Variants in LPP observed in about 807,000 individuals in gnomAD.
LPP encodes the protein LIM domain containing preferred translocation partner in lipoma.
A neutral mutation model predicts 60.4 loss-of-function variants in LPP; 38 were observed. The observed-to-expected ratio is 0.63, with a 90% CI of 0.49 to 0.83. The LOEUF is 0.83. Among genes scored for constraint, LPP ranks in the 40% least tolerant of loss-of-function variants. LPP has a pLI of 0.00. For synonymous variants in LPP, 328 were observed against 290.8 expected, an observed-to-expected ratio of 1.13 and a Z score of -1.30; for missense variants, 902 against 783.6, an observed-to-expected ratio of 1.15 and a Z score of -1.80.
At chr3:188,552,408 A>G (rs1828384565) in intron 6 of LPP, among the ~76,000 whole-genome samples, 1 of 152,300 alleles carries the variant, frequency 6.6e-6, no homozygotes, top group Non-Finnish European at 1.5e-5. Context: ...TGATGAGCAA[A>G]GACTGGAGAA....
intron 4 of LPP, among the ~76,000 whole-genome samples, chr3:188,463,850 T>C (rs955343090): frequency 6.6e-6 from 1 of 152,182 alleles, no homozygotes; most frequent in African/African-American, 2.4e-5. Context: ...TTGCATCCTT[T>C]ATGTACTTGG....
At chr3:188,813,638 C>T (rs1751684218) in intron 9 of LPP, among the ~76,000 whole-genome samples, 2 of 152,276 alleles carry the variant, frequency 1.3e-5, no homozygotes, top group Admixed American at 1.3e-4. Flanking sequence ...TAACCCTAAA[C>T]ACTGCAGAAA....
intron 6 of LPP, among the ~76,000 whole-genome samples, chr3:188,538,363 C>T (rs1404063575): frequency 1.3e-5 from 2 of 151,946 alleles, no homozygotes; most frequent in Non-Finnish European, 2.9e-5. Flanking sequence ...AAAAGACAGC[C>T]CAATTAAGTA....
intron 3 of LPP, among the ~76,000 whole-genome samples, chr3:188,357,406 T>C (rs991482344): frequency 1.3e-5 from 2 of 152,132 alleles, no homozygotes; most frequent in Non-Finnish European, 1.5e-5. Flanking sequence ...ACGTCTATAG[T>C]TTTATGAATG....
chr3:188,875,184 AT>A lies in LPP; in HGVS notation c.*710del, dbSNP rs1769106770. 1.8e-5 allele frequency: 4 copies of A among 217,434 alleles called. No individual in the cohort carries two copies. Among genetic ancestry groups the A allele is most frequent in the Admixed American group, 5.8e-5 (1 of 17,202 alleles). The allele number at this position is 217,434 out of a possible 1,614,324, so 13.5% of individuals were successfully genotyped here. A position where few individuals can be genotyped will look rare whatever the true frequency, so the allele number is the denominator to read the frequency against. On this transcript the variant is annotated 3_prime_UTR_variant, in exon 12 of 12. Transcript: ENST00000617246. The stretch of plus-strand genomic sequence containing the variant: ...TAGTGACAGACAACCAAGCTTCAAT[AT>A]TTTTCTAAAGAAATTACAGGTGGGA...
chr3:188,240,645 C>T (rs544196678), intron 2 of LPP, among the ~76,000 whole-genome samples: 4 of 152,160 alleles, frequency 2.6e-5, no homozygotes, highest in East Asian at 1.9e-4. Context: ...TATAAAAAAG[C>T]GTAATCATAA....
intron 6 of LPP, among the ~76,000 whole-genome samples, chr3:188,554,969 A>G (rs1829121624): frequency 6.6e-6 from 1 of 152,148 alleles, no homozygotes; most frequent in Non-Finnish European, 1.5e-5. Flanking sequence ...ATAAAGCAAG[A>G]TAAAAGTGAA....
chr3:188,310,584 G>A (rs1202699461), intron 2 of LPP, among the ~76,000 whole-genome samples: 1 of 152,194 alleles, frequency 6.6e-6, no homozygotes, highest in Admixed American at 6.5e-5. Flanking sequence ...GGGGTCAATA[G>A]ATTTGAGTTT....
chr3:188,770,359 T>C (rs1459762779), intron 9 of LPP, among the ~76,000 whole-genome samples: 1 of 110,774 alleles, frequency 9.0e-6, no homozygotes, highest in African/African-American at 3.1e-5. Context: ...TTTTTTTTTT[T>C]TTTTTTGTAT....
chr3:188,240,653 T>A (rs1724151545), intron 2 of LPP, among the ~76,000 whole-genome samples: 1 of 152,154 alleles, frequency 6.6e-6, no homozygotes, highest in Admixed American at 6.5e-5. Flanking sequence ...AGCGTAATCA[T>A]AACTATCCAA....
chr3:188,420,196 G>T (rs1787419085), intron 4 of LPP, among the ~76,000 whole-genome samples: 4 of 152,020 alleles, frequency 2.6e-5, no homozygotes, highest in Admixed American at 2.6e-4. Flanking sequence ...TGCTAATAGA[G>T]ATTTTAGAAT....
At chr3:188,428,609 A>G (rs1483365617) in intron 4 of LPP, among the ~76,000 whole-genome samples, 1 of 106,748 alleles carries the variant, frequency 9.4e-6, no homozygotes, top group African/African-American at 3.2e-5. Context: ...TTTTTTTTTT[A>G]ACACTATCCA....
At chr3:188,420,366 T>G (rs188761973) in intron 4 of LPP, among the ~76,000 whole-genome samples, 17 of 152,292 alleles carry the variant, frequency 1.1e-4, no homozygotes, top group Non-Finnish European at 1.9e-4. Context: ...TTTTTACTAT[T>G]GAACTATAAG....
chr3:188,623,080 T>C (rs1021254989), intron 7 of LPP, among the ~76,000 whole-genome samples: 5 of 50,622 alleles, frequency 9.9e-5, no homozygotes, highest in Admixed American at 2.5e-4. Context: ...TTTAAGGAAA[T>C]AGACATTGCC....
intron 6 of LPP, among the ~76,000 whole-genome samples, chr3:188,563,458 A>ATGTGTGTGTGTGTGTGG: frequency 1.3e-5 from 1 of 76,070 alleles, no homozygotes; most frequent in African/African-American, 5.1e-5. Flanking sequence ...ATTTACATAT[A>ATGTGTGTGTGTGTGTGG]TATGTGTGTG....
At chr3:188,790,631 G>A (rs1743369198) in intron 9 of LPP, among the ~76,000 whole-genome samples, 1 of 152,018 alleles carries the variant, frequency 6.6e-6, no homozygotes, top group Non-Finnish European at 1.5e-5. Flanking sequence ...GACTAGCCTG[G>A]CCAACATGGT....
At chr3:188,523,706 G>C (rs1251935205) in intron 5 of LPP, among the ~76,000 whole-genome samples, 1 of 152,194 alleles carries the variant, frequency 6.6e-6, no homozygotes, top group Non-Finnish European at 1.5e-5. Flanking sequence ...GACAAGTCCA[G>C]TAGAATTGAT....
chr3:188,562,104 C>T (rs1830865096), intron 6 of LPP: 2 of 152,022 alleles, frequency 1.3e-5, no homozygotes, highest in African/African-American at 4.8e-5. Flanking sequence ...CACACACACT[C>T]ATCCCTTTTC....
Position 188,203,173 on chromosome 3 carries a change from T to A in LPP, c.-189-22232T>A, listed in dbSNP as rs978998667. On this transcript the variant is annotated intron_variant, in intron 1 of 11. Coordinates refer to ENST00000617246, the MANE Select transcript of LPP (RefSeq NM_001375462.1). ...ATAATTATATTGTAATTAAATTATATATAATTTTATATATTATATATTATA... is the reference window on the plus strand; with the variant it reads ...ATAATTATATTGTAATTAAATTATAAATAATTTTATATATTATATATTATA... Among the ~76,000 whole-genome samples the A allele has an allele frequency of 1.5e-4, 20 of 134,308 alleles. No homozygotes were observed. The East Asian group carries it at 4.2e-3, about 28-fold the overall frequency. The allele number at this position is 134,308 out of a possible 152,430, so 88.1% of individuals were successfully genotyped here.
Sources: allele counts gnomAD v4.1 joint callset (sites outside exome capture counted in the v4.1 genomes callset), GRCh38; gene constraint gnomAD v4.1.1; transcripts MANE v1.5; gene names NCBI Gene and HGNC (gene_info 2026-07-23, HGNC 2026-07-21).